PAK1: variants seen among roughly 807,000 people sequenced by gnomAD.
PAK1 encodes serine/threonine-protein kinase PAK 1.
PAK1 carries 29 observed loss-of-function variants against 67.4 expected under a neutral mutation model. The observed-to-expected ratio is 0.43, with a 90% CI of 0.32 to 0.59. The LOEUF is 0.59. Ranked by LOEUF, PAK1 falls within the 20% of genes least tolerant of loss-of-function variation. The probability of loss-of-function intolerance (pLI) is 0.07; values close to 1 mark genes in which losing one functional copy is unlikely to be tolerated. For missense variants in PAK1, 337 were observed against 670.7 expected (o/e 0.50, Z 5.50); for synonymous variants, 223 against 237.4 (o/e 0.94, Z 0.56).
intron 1 of PAK1, among the ~76,000 whole-genome samples, chr11:77,457,850 A>AT (rs1957148793): frequency 6.6e-6 from 1 of 152,222 alleles, no homozygotes; most frequent in Admixed American, 6.5e-5. Flanking sequence ...TTAACAAAGC[A>AT]TGACAGTCAA....
At chr11:77,403,246 A>G (rs1952959912) in intron 1 of PAK1, among the ~76,000 whole-genome samples, 1 of 151,984 alleles carries the variant, frequency 6.6e-6, no homozygotes. Context: ...ACTACTATTC[A>G]CTTTCTGGTC....
chr11:77,455,864 GAGGAAGAAAGACTTACATAA>G (rs1957056959), intron 1 of PAK1: 1 of 152,132 alleles, frequency 6.6e-6, no homozygotes, highest in Non-Finnish European at 1.5e-5. Context: ...TTTACAAAAA[GAGGAAGAAAGACTTACATAA>G]AGGAAGAAAG....
intron 14 of PAK1, among the ~76,000 whole-genome samples, chr11:77,328,956 C>T (rs1940752029): frequency 6.6e-6 from 1 of 152,126 alleles, no homozygotes. Flanking sequence ...GGGGAGATCA[C>T]CACCGATCCC....
At chr11:77,354,895 C>T (rs955603067) in intron 7 of PAK1, among the ~76,000 whole-genome samples, 1 of 152,198 alleles carries the variant, frequency 6.6e-6, no homozygotes, top group Non-Finnish European at 1.5e-5. Context: ...TTCCTTCTAA[C>T]ATGAATTCTT....
Position 77,323,014 on chromosome 11 carries a change from C to T in PAK1, c.*260G>A, listed in dbSNP as rs1433305124. 3 of 682,050 alleles carry T rather than the reference C, an allele frequency of 4.4e-6. No individual in the cohort carries two copies. Among genetic ancestry groups the T allele is most frequent in the Non-Finnish European group, 7.8e-6 (3 of 384,326 alleles). 42.2% of individuals were successfully genotyped at this position (682,050 alleles called of 1,614,324 possible). On this transcript the variant is annotated 3_prime_UTR_variant, in exon 15 of 15. Transcript: ENST00000356341. ...CTAGAAACATTTATTTATATAAACC[C>T]TTAATCATAAACCACCCTCATATCC...
chr11:77,444,894 C>T (rs1956527221), intron 1 of PAK1, among the ~76,000 whole-genome samples: 1 of 152,008 alleles, frequency 6.6e-6, no homozygotes, highest in South Asian at 2.1e-4. Context: ...ATCTCTACTT[C>T]TCTCTGCTAA....
chr11:77,399,008 C>T (rs766460377), intron 1 of PAK1, among the ~76,000 whole-genome samples: 2 of 152,170 alleles, frequency 1.3e-5, no homozygotes, highest in African/African-American at 2.4e-5. Context: ...AAAATATAAA[C>T]ACAGAATATG....
At chr11:77,413,529 C>G (rs994789379) in intron 1 of PAK1, among the ~76,000 whole-genome samples, 4 of 152,022 alleles carry the variant, frequency 2.6e-5, no homozygotes, top group Middle Eastern at 3.4e-3. Context: ...ACTAAAAACA[C>G]AAAAAATTAG....
intron 1 of PAK1, among the ~76,000 whole-genome samples, chr11:77,440,894 C>A (rs1956325659): frequency 6.6e-6 from 1 of 150,400 alleles, no homozygotes; most frequent in South Asian, 2.1e-4. Flanking sequence ...CTCCTCCCAC[C>A]TCTACCTCCT....
At chr11:77,503,425 A>T in the PAK1 span, among the ~76,000 whole-genome samples, 7 of 152,264 alleles carry the variant, frequency 4.6e-5, no homozygotes, top group African/African-American at 1.7e-4. Context: ...TGGCGGTTCA[A>T]GTGCAAGGCA....
At chr11:77,519,136 G>A in the PAK1 span, among the ~76,000 whole-genome samples, 1 of 152,108 alleles carries the variant, frequency 6.6e-6, no homozygotes, top group African/African-American at 2.4e-5. Context: ...CTTTCCTGAT[G>A]TTTAAATACA....
the PAK1 span, among the ~76,000 whole-genome samples, chr11:77,517,156 T>C: frequency 1.3e-5 from 2 of 152,226 alleles, no homozygotes; most frequent in Non-Finnish European, 2.9e-5. Flanking sequence ...CTAGCATTTC[T>C]GTTTTGTTGG....
At position 77,337,497 on chromosome 11, in the gene PAK1, C is replaced by A. The variant is rs1237892831; in HGVS notation, c.1117-74G>T. ...TACAGAAGACTTAATAGAAAATCCA[C>A]TAATTCAACCTCTTCACTTTAAAAT... On this transcript the variant is annotated intron_variant, in intron 11 of 14. Coordinates refer to ENST00000356341, the MANE Select transcript of PAK1 (RefSeq NM_002576.5). 10 of 681,048 alleles carry A rather than the reference C, an allele frequency of 1.5e-5. No homozygotes were observed. In the Middle Eastern group the frequency reaches 8.9e-4, roughly 61 times the overall value. The allele number at this position is 681,048 out of a possible 1,614,324, so 42.2% of individuals were successfully genotyped here. A position where few individuals can be genotyped will look rare whatever the true frequency, so the allele number is the denominator to read the frequency against.
intron 1 of PAK1, among the ~76,000 whole-genome samples, chr11:77,468,820 T>C (rs1379188013): frequency 6.6e-6 from 1 of 152,184 alleles, no homozygotes; most frequent in African/African-American, 2.4e-5. Context: ...CTTAGAATTT[T>C]AAAATGTGGT....
chr11:77,496,957 T>A, the PAK1 span, among the ~76,000 whole-genome samples: 2 of 152,092 alleles, frequency 1.3e-5, no homozygotes, highest in African/African-American at 4.8e-5. Flanking sequence ...ATAAAAAAAC[T>A]GAAATGGGTG....
chr11:77,347,972 G>A (rs899817403), intron 9 of PAK1, among the ~76,000 whole-genome samples: 1 of 150,230 alleles, frequency 6.7e-6, no homozygotes, highest in African/African-American at 2.4e-5. Flanking sequence ...TAGGTCTTTG[G>A]ATTCTCACAT....
intron 1 of PAK1, among the ~76,000 whole-genome samples, chr11:77,422,686 T>C (rs1955334754): frequency 6.6e-6 from 1 of 152,220 alleles, no homozygotes; most frequent in Admixed American, 6.5e-5. Context: ...TAAACACTCA[T>C]TTTTCCAGCC....
chr11:77,469,687 CTTTTT>C (rs527648240), intron 1 of PAK1, among the ~76,000 whole-genome samples: 2 of 137,574 alleles, frequency 1.5e-5, no homozygotes, highest in Non-Finnish European at 3.2e-5. Flanking sequence ...TGTGAAGAGA[CTTTTT>C]TTTTTTTTTT....
intron 2 of PAK1, among the ~76,000 whole-genome samples, chr11:77,381,382 T>C (rs1433675850): frequency 6.6e-6 from 1 of 152,222 alleles, no homozygotes. Flanking sequence ...TTCATACATA[T>C]CATCTAATAC....
Sources: allele counts gnomAD v4.1 joint callset (sites outside exome capture counted in the v4.1 genomes callset), GRCh38; gene constraint gnomAD v4.1.1; transcripts MANE v1.5; gene names NCBI Gene and HGNC (gene_info 2026-07-23, HGNC 2026-07-21).